Variants in NRXN3 observed in about 807,000 individuals in gnomAD.
The protein encoded by NRXN3 is neurexin 3, also known as neurexin III.
In NRXN3, 32 loss-of-function variants were observed where a neutral mutation model predicts 137.6. The ratio of observed to expected loss-of-function variants is 0.23; its 90% CI spans 0.18 to 0.31. The LOEUF (loss-of-function observed/expected upper bound fraction) is 0.31, where lower values mean the gene tolerates loss of function less well. Ranked by LOEUF, NRXN3 falls within the 10% of genes least tolerant of loss-of-function variation. NRXN3 has a pLI of 1.00. For synonymous variants in NRXN3, 798 were observed against 784.5 expected, an observed-to-expected ratio of 1.02 and a Z score of -0.29; for missense variants, 1,574 against 2,062.5, an observed-to-expected ratio of 0.76 and a Z score of 4.59.
chr14:78,975,596 T>C (rs1441528352), intron 14 of NRXN3, among the ~76,000 whole-genome samples: 2 of 152,092 alleles, frequency 1.3e-5, no homozygotes, highest in African/African-American at 2.4e-5. Flanking sequence ...GGAGAAAGGA[T>C]GATGCAGACA....
intron 16 of NRXN3, among the ~76,000 whole-genome samples, chr14:79,504,986 G>A (rs568140828): frequency 4.5e-4 from 69 of 152,154 alleles, no homozygotes; most frequent in Non-Finnish European, 4.1e-4. Context: ...AGGCCCAGGT[G>A]GGCAGATCAC....
intron 15 of NRXN3, among the ~76,000 whole-genome samples, chr14:79,391,459 T>A (rs576038022): frequency 2.6e-5 from 4 of 152,334 alleles, no homozygotes; most frequent in African/African-American, 9.6e-5. Context: ...TCATTCTGCT[T>A]CACTCATGGC....
At chr14:78,844,153 G>A (rs1029743788) in intron 10 of NRXN3, among the ~76,000 whole-genome samples, 1 of 152,024 alleles carries the variant, frequency 6.6e-6, no homozygotes, top group Non-Finnish European at 1.5e-5. Flanking sequence ...GCTTGTTGCT[G>A]CTTCACTCCA....
intron 6 of NRXN3, among the ~76,000 whole-genome samples, chr14:78,654,319 T>G (rs2097769285): frequency 6.6e-6 from 1 of 152,234 alleles, no homozygotes; most frequent in Non-Finnish European, 1.5e-5. Context: ...TTCCTCTTGC[T>G]GCCTTAAAAA....
chr14:79,092,029 C>A (rs1264925753), intron 15 of NRXN3, among the ~76,000 whole-genome samples: 1 of 152,106 alleles, frequency 6.6e-6, no homozygotes, highest in Non-Finnish European at 1.5e-5. Flanking sequence ...GATAAATTAG[C>A]TGCATATTTT....
chr14:78,175,147 A>G (rs989520650), intron 1 of NRXN3, among the ~76,000 whole-genome samples: 1 of 152,068 alleles, frequency 6.6e-6, no homozygotes, highest in Non-Finnish European at 1.5e-5. Flanking sequence ...GTCTCTCTTT[A>G]TTAGTAATTA....
At chr14:78,636,353 G>A (rs778491473) in intron 4 of NRXN3, among the ~76,000 whole-genome samples, 20 of 152,076 alleles carry the variant, frequency 1.3e-4, no homozygotes, top group Non-Finnish European at 2.1e-4. Context: ...TACTGCATGG[G>A]ACTGCCTAAA....
chr14:78,888,831 G>C (rs1263800623), intron 10 of NRXN3, among the ~76,000 whole-genome samples: 3 of 123,100 alleles, frequency 2.4e-5, no homozygotes, highest in Non-Finnish European at 4.7e-5. Context: ...GTCTAGTTGG[G>C]AGAGTAATCA....
intron 19 of NRXN3, among the ~76,000 whole-genome samples, chr14:79,703,348 T>G (rs1290601370): frequency 6.6e-6 from 1 of 152,090 alleles, no homozygotes; most frequent in Non-Finnish European, 1.5e-5. Flanking sequence ...AAGAAAAAAC[T>G]TTGGATTAAA....
intron 4 of NRXN3, among the ~76,000 whole-genome samples, chr14:78,307,058 A>G (rs891603187): frequency 7.9e-5 from 12 of 152,194 alleles, no homozygotes; most frequent in African/African-American, 1.9e-4. Context: ...CACGCTTTAC[A>G]TTATCAGAAT....
chr14:79,729,327 C>T (rs1603451205), intron 19 of NRXN3, among the ~76,000 whole-genome samples: 1 of 152,062 alleles, frequency 6.6e-6, no homozygotes, highest in South Asian at 2.1e-4. Context: ...TCAAGTTTTT[C>T]CTATTTTCCA....
chr14:78,589,941 G>A (rs556774330), intron 4 of NRXN3, among the ~76,000 whole-genome samples: 34 of 152,204 alleles, frequency 2.2e-4, no homozygotes, highest in African/African-American at 7.7e-4. Flanking sequence ...TGGGCGACAA[G>A]AGTGAAACTC....
At chr14:79,140,286 C>G (rs1177354590) in intron 15 of NRXN3, among the ~76,000 whole-genome samples, 1 of 152,072 alleles carries the variant, frequency 6.6e-6, no homozygotes, top group Non-Finnish European at 1.5e-5. Context: ...TTGATTTGAG[C>G]TAGTTCAAAT....
At chr14:78,354,506 C>T (rs887579163) in intron 4 of NRXN3, among the ~76,000 whole-genome samples, 2 of 152,172 alleles carry the variant, frequency 1.3e-5, no homozygotes, top group African/African-American at 2.4e-5. Flanking sequence ...CTGCCTCTTT[C>T]GCTCCCCATG....
intron 4 of NRXN3, among the ~76,000 whole-genome samples, chr14:78,616,905 G>T (rs1046115332): frequency 8.5e-5 from 13 of 152,164 alleles, no homozygotes; most frequent in African/African-American, 3.1e-4. Context: ...TTACAAATTA[G>T]CTGAGTTCTC....
chr14:78,692,084 T>C (rs1330962705), intron 6 of NRXN3, among the ~76,000 whole-genome samples: 1 of 152,166 alleles, frequency 6.6e-6, no homozygotes, highest in Non-Finnish European at 1.5e-5. Flanking sequence ...TGTTTGGAGG[T>C]AGAAACGCTT....
chr14:79,552,314 T>A (rs1441468381), intron 16 of NRXN3, among the ~76,000 whole-genome samples: 1 of 152,168 alleles, frequency 6.6e-6, no homozygotes, highest in South Asian at 2.1e-4. Flanking sequence ...GATTACTGCA[T>A]GTTACAGTGG....
intron 20 of NRXN3, among the ~76,000 whole-genome samples, chr14:79,844,481 A>T (rs2099362870): frequency 6.6e-6 from 1 of 151,938 alleles, no homozygotes; most frequent in African/African-American, 2.4e-5. Flanking sequence ...TTGCTTTTTG[A>T]TCCATGCACA....
At chr14:79,034,773 G>T (rs1024630636) in intron 15 of NRXN3, among the ~76,000 whole-genome samples, 1 of 152,022 alleles carries the variant, frequency 6.6e-6, no homozygotes, top group African/African-American at 2.4e-5. Flanking sequence ...ATTAAAAATT[G>T]TACGTGATTA....
Sources: allele counts gnomAD v4.1 joint callset (sites outside exome capture counted in the v4.1 genomes callset), GRCh38; gene constraint gnomAD v4.1.1; transcripts MANE v1.5; gene names NCBI Gene and HGNC (gene_info 2026-07-23, HGNC 2026-07-21).